The following ROR1 variants were observed in gnomAD, a reference collection of about 807,000 sequenced individuals.
ROR1 encodes ROR family WNT receptor 1, also known as inactive tyrosine-protein kinase transmembrane receptor ROR1.
In ROR1, 19 loss-of-function variants were observed where a neutral mutation model predicts 78.8. That is an observed-to-expected ratio of 0.24 (90% CI 0.17 to 0.35). The LOEUF (loss-of-function observed/expected upper bound fraction) is 0.35. ROR1 is among the 10% of genes least tolerant of loss of function. The pLI, the probability that ROR1 is intolerant of heterozygous loss-of-function variation, is 1.00. For synonymous variants in ROR1, 386 were observed against 433.6 expected (o/e 0.89, Z 1.36); for missense variants, 917 against 1,177.8 (o/e 0.78, Z 3.24).
chr1:64,177,859 G>A lies in ROR1; in HGVS notation c.1818G>A (p.Leu606=), dbSNP rs991985165. 9.3e-6 allele frequency: 15 copies of A among 1,614,162 alleles called. No individual in the cohort carries two copies. Among genetic ancestry groups the A allele is most frequent in the Non-Finnish European group, 1.3e-5 (15 of 1,180,032 alleles). ...AGATTGCAGCTGGCATGGAATACCT[G>A]TCTAGTCACTTCTTTGTCCACAAGG... ...AIQIAAGMEY[L]SSHFFVHKDL... is the part of the protein sequence containing the mutation. Residue 606 remains leucine, a synonymous_variant, in exon 9 of 9, where the codon CTG becomes CTA. Transcript: ENST00000371079.
Position 64,179,558 on chromosome 1 carries a change from AAC to A in ROR1, c.*707_*708del, listed in dbSNP as rs973145564. 1 of 152,208 alleles carries A rather than the reference AAC, an allele frequency of 6.6e-6. No individual in the cohort carries two copies. Among genetic ancestry groups the A allele is most frequent in the Admixed American group, 6.5e-5 (1 of 15,274 alleles). 9.4% of individuals were successfully genotyped at this position (152,208 alleles called of 1,614,324 possible). On this transcript the variant is annotated 3_prime_UTR_variant, in exon 9 of 9. Coordinates refer to ENST00000371079, the MANE Select transcript of ROR1 (RefSeq NM_005012.4). ...AGTGTGTTTACACTGCCCTTGGAAT[AAC>A]ACAGCGCATCAGACCATAAGAAGGC... is the stretch of plus-strand genomic sequence containing the variant.
chr1:63,774,272 A>C lies in ROR1; in HGVS notation c.-146A>C. 2.7e-6 allele frequency: 1 copy of C among 372,248 alleles called. No homozygotes were observed. The highest frequency in any genetic ancestry group is 4.5e-6 in the Non-Finnish European group (1 of 221,270). The allele number at this position is 372,248 out of a possible 1,614,324, so 23.1% of individuals were successfully genotyped here. On this transcript the variant is annotated 5_prime_UTR_variant, in exon 1 of 9. Transcript: ENST00000371079. This position sits in a 1 kb window ranked among gnomAD's most constrained non-coding sequence, Gnocchi z 5.7. The stretch of plus-strand genomic sequence containing the variant: ...CCAGGCGGAGGCGAGGGAGCAGGTT[A>C]GAGGGACAAAGAGCTTTGCAGACGT...
At chr1:63,823,819 C>G (rs556677004) in intron 1 of ROR1, among the ~76,000 whole-genome samples, 1 of 151,768 alleles carries the variant, frequency 6.6e-6, no homozygotes, top group African/African-American at 2.4e-5. Flanking sequence ...GCAATCCCGG[C>G]TTACTGCAAC....
At chr1:63,959,420 C>A (rs568311652) in intron 1 of ROR1, among the ~76,000 whole-genome samples, 13 of 152,246 alleles carry the variant, frequency 8.5e-5, no homozygotes, top group Admixed American at 8.5e-4. Context: ...GTTTGGATTT[C>A]TCCTTTCACC....
intron 2 of ROR1, among the ~76,000 whole-genome samples, chr1:64,029,995 A>C (rs1390197763): frequency 1.3e-5 from 2 of 152,084 alleles, no homozygotes; most frequent in Non-Finnish European, 2.9e-5. Context: ...TTTCCAGTCA[A>C]ATTTAGTTGC....
chr1:64,140,206 T>C lies in ROR1; in HGVS notation c.708T>C (p.Asp236=), dbSNP rs745809360. ...GCCACTATGCCTTCCCGTACTGCGA[T>C]GAAACTTCATCCGTCCCAAAGCCCC... ...SLCHYAFPYC[D]ETSSVPKPRD... is the part of the protein sequence containing the mutation. Residue 236 remains aspartate, a synonymous_variant, in exon 6 of 9, where the codon GAT becomes GAC. Transcript: ENST00000371079. The C allele has an allele frequency of 1.2e-6, 2 of 1,614,190 alleles. No homozygotes were observed. Among genetic ancestry groups the C allele is most frequent in the South Asian group, 2.2e-5 (2 of 91,076 alleles).
rs564728888 is a variant in ROR1, at chr1:63,796,823, C to T, written c.91+22315C>T. ...ACTGAAGGTGGAAATGGCAATGCAC[C>T]GAGCCCTGAGCTGGCAGGTGGTCCA... On this transcript the variant is annotated intron_variant, in intron 1 of 8. Coordinates refer to ENST00000371079, the MANE Select transcript of ROR1 (RefSeq NM_005012.4). 1.1e-3 allele frequency among the ~76,000 whole-genome samples: 168 copies of T among 152,226 alleles called. 1 individual carries two copies. Among genetic ancestry groups the T allele is most frequent in the African/African-American group, 3.7e-3 (152 of 41,530 alleles).
intron 1 of ROR1, among the ~76,000 whole-genome samples, chr1:63,863,707 C>CATTGTATTGTATTGTATTGTATTGT (rs61123882): frequency 3.5e-4 from 23 of 66,016 alleles, no homozygotes; most frequent in East Asian, 1.4e-3. Context: ...TCAACACTGC[C>CATTGTATTGTATTGTATTGTATTGT]ATTGTATTGT....
intron 1 of ROR1, among the ~76,000 whole-genome samples, chr1:63,990,564 C>G (rs1356369685): frequency 6.6e-6 from 1 of 152,128 alleles, no homozygotes; most frequent in Non-Finnish European, 1.5e-5. Context: ...GAAGACTTTT[C>G]AGTTTTATTA....
intron 8 of ROR1, among the ~76,000 whole-genome samples, chr1:64,176,193 TAAAC>T (rs1376718546): frequency 2.0e-5 from 3 of 152,186 alleles, no homozygotes; most frequent in Admixed American, 1.3e-4. Context: ...GGTCAATTAA[TAAAC>T]AACCCACTTG....
At chr1:64,167,632 T>C (rs1268092602) in intron 8 of ROR1, among the ~76,000 whole-genome samples, 1 of 152,162 alleles carries the variant, frequency 6.6e-6, no homozygotes, top group Admixed American at 6.5e-5. Context: ...ACCAGTAAAA[T>C]GCACAAGAAA....
intron 1 of ROR1, among the ~76,000 whole-genome samples, chr1:63,787,500 G>T (rs1468149502): frequency 1.7e-5 from 2 of 117,012 alleles, no homozygotes; most frequent in East Asian, 2.5e-4. Context: ...CTGCCTTCCT[G>T]ACTTCCTTTC....
intron 1 of ROR1, among the ~76,000 whole-genome samples, chr1:63,997,102 G>C (rs1437463551): frequency 6.6e-6 from 1 of 152,194 alleles, no homozygotes; most frequent in Non-Finnish European, 1.5e-5. Flanking sequence ...CAGCCAAAGT[G>C]GGCTTCTCTT....
At chr1:63,839,345 C>CATCT (rs36224861) in intron 1 of ROR1, among the ~76,000 whole-genome samples, 8,452 of 147,116 alleles carry the variant, frequency 0.057, 260 homozygotes, top group South Asian at 0.077. Context: ...GTCTCCATAT[C>CATCT]ATCTATCTAT....
At chr1:63,790,100 C>T (rs1644716672) in intron 1 of ROR1, among the ~76,000 whole-genome samples, 1 of 152,196 alleles carries the variant, frequency 6.6e-6, no homozygotes, top group Non-Finnish European at 1.5e-5. Flanking sequence ...GCTCTCCTAG[C>T]ACTTTGTGTT....
In ROR1 at chr1:64,180,428, A is replaced by C. The variant is rs1256566414; in HGVS notation, c.*1573A>C. The C allele has an allele frequency of 6.6e-6, 1 of 152,224 alleles. No individual in the cohort carries two copies. The highest frequency in any genetic ancestry group is 1.9e-4 in the East Asian group (1 of 5,200). The allele number at this position is 152,224 out of a possible 1,614,324, so 9.4% of individuals were successfully genotyped here. On this transcript the variant is annotated 3_prime_UTR_variant, in exon 9 of 9. Transcript: ENST00000371079. ...GAATGAAAAACACATTGATGTTTTC[A>C]TTTTTAAAAAATACAACTAGCATGA...
chr1:64,039,170 G>T (rs75090419), intron 2 of ROR1, among the ~76,000 whole-genome samples: 1,798 of 152,282 alleles, frequency 0.012, 36 homozygotes, highest in African/African-American at 0.042. Context: ...TTGAAATACA[G>T]ATCTTGCATA....
intron 1 of ROR1, chr1:63,843,293 A>T: frequency 7.3e-7 from 1 of 1,376,856 alleles, no homozygotes; most frequent in Non-Finnish European, 1.0e-6. Flanking sequence ...TGTGTAATTC[A>T]TGCTTGATCC....
intron 4 of ROR1, among the ~76,000 whole-genome samples, chr1:64,133,871 A>G (rs1266672979): frequency 2.0e-5 from 3 of 152,222 alleles, no homozygotes; most frequent in Non-Finnish European, 2.9e-5. Flanking sequence ...GGAAAAAAGC[A>G]TAAAGCTGAT....
Sources: gnomAD v4.1 joint callset for allele counts (sites outside exome capture counted in the v4.1 genomes callset) on GRCh38, gnomAD v4.1.1 for gene constraint, Gnocchi (gnomAD v3.1) non-coding constraint, MANE v1.5 for transcripts, NCBI Gene and HGNC (gene_info 2026-07-23, HGNC 2026-07-21) for gene names.